OLA1: variants seen among roughly 807,000 people sequenced by gnomAD.
The protein encoded by OLA1 is Obg like ATPase 1.
Under a neutral mutation model 48.4 loss-of-function variants are expected in OLA1, and 14 were observed. The observed-to-expected ratio is 0.29, with a 90% CI of 0.19 to 0.45. The LOEUF (loss-of-function observed/expected upper bound fraction) is 0.45, where lower values mean the gene tolerates loss of function less well. Among genes scored for constraint, OLA1 ranks in the 20% least tolerant of loss-of-function variants. The probability of loss-of-function intolerance (pLI) is 1.00; values close to 1 mark genes in which losing one functional copy is unlikely to be tolerated. For synonymous variants in OLA1, 127 were observed against 150.4 expected (o/e 0.84, Z 1.14); for missense variants, 325 against 467.1 (o/e 0.70, Z 2.80).
At chr2:174,191,648 A>T (rs1261908955) in intron 4 of OLA1, among the ~76,000 whole-genome samples, 1 of 151,976 alleles carries the variant, frequency 6.6e-6, no homozygotes, top group East Asian at 1.9e-4. Context: ...ATTTGTGTAG[A>T]TATGGGGTCT....
intron 10 of OLA1, among the ~76,000 whole-genome samples, chr2:174,076,865 A>G (rs1684750078): frequency 6.6e-6 from 1 of 151,858 alleles, no homozygotes; most frequent in Admixed American, 6.6e-5. Context: ...AAAGACATGC[A>G]ATGTATTGAA....
chr2:174,181,876 T>C (rs1448535923), intron 4 of OLA1, among the ~76,000 whole-genome samples: 4 of 152,234 alleles, frequency 2.6e-5, no homozygotes, highest in Non-Finnish European at 4.4e-5. Context: ...CCATCTAATA[T>C]ACAACATACT....
Position 174,091,646 on chromosome 2 carries a change from G to A in OLA1, c.729-9582C>T, listed in dbSNP as rs542154027. The stretch of plus-strand genomic sequence containing the variant: ...CATGCCTGTAATCCCAGCACTTTGG[G>A]AGGCTGAGGTGGGCAGAACACCTGA... On this transcript the variant is annotated intron_variant, in intron 7 of 10. Coordinates refer to ENST00000284719, the MANE Select transcript of OLA1 (RefSeq NM_013341.5). Among the ~76,000 whole-genome samples, 182 of 152,042 alleles carry A rather than the reference G, an allele frequency of 1.2e-3. 2 individuals are homozygous for A. In the South Asian group the frequency reaches 0.012, roughly 10 times the overall value.
intron 4 of OLA1, among the ~76,000 whole-genome samples, chr2:174,155,582 T>C (rs1054634664): frequency 1.3e-5 from 2 of 152,228 alleles, no homozygotes; most frequent in Non-Finnish European, 2.9e-5. Context: ...TAACTATTAG[T>C]GAAGGACAGA....
chr2:174,098,056 G>A (rs1685298367), intron 7 of OLA1, among the ~76,000 whole-genome samples: 1 of 151,652 alleles, frequency 6.6e-6, no homozygotes, highest in Admixed American at 6.5e-5. Context: ...AGGAATTTGA[G>A]CACAGGGGAG....
intron 2 of OLA1, among the ~76,000 whole-genome samples, chr2:174,230,640 CAGA>C (rs1688707575): frequency 6.6e-6 from 1 of 152,080 alleles, no homozygotes; most frequent in East Asian, 1.9e-4. Flanking sequence ...ATATAGAGGA[CAGA>C]AGAACATATT....
intron 4 of OLA1, among the ~76,000 whole-genome samples, chr2:174,213,518 G>A (rs1468355337): frequency 6.6e-6 from 1 of 152,082 alleles, no homozygotes; most frequent in Non-Finnish European, 1.5e-5. Context: ...TAAGGATTTG[G>A]TGAAATCAAT....
intron 4 of OLA1, among the ~76,000 whole-genome samples, chr2:174,175,872 T>G (rs1402739296): frequency 6.6e-6 from 1 of 152,014 alleles, no homozygotes; most frequent in African/African-American, 2.4e-5. Context: ...AAGAAAGTAT[T>G]AACGTACACA....
chr2:174,219,944 C>T (rs952444051), intron 4 of OLA1, among the ~76,000 whole-genome samples: 3 of 152,010 alleles, frequency 2.0e-5, no homozygotes, highest in African/African-American at 7.2e-5. Flanking sequence ...CCAGCCTGGC[C>T]AACATGGTGA....
At position 174,114,341 on chromosome 2, in the gene OLA1, C is replaced by CAAAAAAAAAAA. The variant is rs76471043; in HGVS notation, c.728+8828_728+8838dup. Among the ~76,000 whole-genome samples, 16 of 60,644 alleles carry CAAAAAAAAAAA rather than the reference C, an allele frequency of 2.6e-4. 2 individuals are homozygous for CAAAAAAAAAAA. Among genetic ancestry groups the CAAAAAAAAAAA allele is most frequent in the East Asian group, 2.3e-3 (3 of 1,296 alleles). 39.8% of individuals were successfully genotyped at this position (60,644 alleles called of 152,430 possible). ...TGGGCGACAGAGCAAGACTCCGCCTCAAAAAAAAAAAAAAAAAAAAAAAAA... is the reference window on the plus strand; with the variant it reads ...TGGGCGACAGAGCAAGACTCCGCCTCAAAAAAAAAAAAAAAAAAAAAAAAAAAAAAAAAAAA... On this transcript the variant is annotated intron_variant, in intron 7 of 10. Transcript: ENST00000284719.
intron 4 of OLA1, among the ~76,000 whole-genome samples, chr2:174,208,238 A>C (rs1282541989): frequency 6.6e-6 from 1 of 152,198 alleles, no homozygotes. Context: ...GCAAAATTAC[A>C]AGTAAATATC....
intron 7 of OLA1, among the ~76,000 whole-genome samples, chr2:174,083,223 C>T (rs1225444262): frequency 2.6e-5 from 4 of 152,036 alleles, no homozygotes; most frequent in South Asian, 2.1e-4. Flanking sequence ...TGGCAAAATG[C>T]TGTGGCAGAA....
intron 4 of OLA1, among the ~76,000 whole-genome samples, chr2:174,186,126 G>T (rs1687651517): frequency 6.6e-6 from 1 of 152,064 alleles, no homozygotes; most frequent in Non-Finnish European, 1.5e-5. Flanking sequence ...ACAAGTAAAA[G>T]AACATATCAT....
chr2:174,094,111 C>A (rs868339063), intron 7 of OLA1, among the ~76,000 whole-genome samples: 4 of 152,304 alleles, frequency 2.6e-5, no homozygotes, highest in Admixed American at 2.6e-4. Context: ...CCCAGTGGTA[C>A]ATAAGGAAGA....
intron 4 of OLA1, among the ~76,000 whole-genome samples, chr2:174,147,299 G>A (rs1008949933): frequency 1.3e-4 from 20 of 152,098 alleles, no homozygotes; most frequent in Non-Finnish European, 2.6e-4. Flanking sequence ...GGTGGTGCAT[G>A]CCTGTAATGC....
In OLA1 at chr2:174,075,265, G is replaced by GA. The variant is rs1684708009; in HGVS notation, c.*160_*161insT. The GA allele has an allele frequency of 1.9e-6, 1 of 514,554 alleles. No homozygotes were observed. The highest frequency in any genetic ancestry group is 2.3e-5 in the South Asian group (1 of 43,988). The allele number at this position is 514,554 out of a possible 1,614,324, so 31.9% of individuals were successfully genotyped here. A position where few individuals can be genotyped will look rare whatever the true frequency, so the allele number is the denominator to read the frequency against. Reference sequence around the variant, plus strand: ...AACCTGCATTTCATGGGGGGGGGGGGGTACACAGTATTTTAATTTTAAAAC... The same window carrying GA: ...AACCTGCATTTCATGGGGGGGGGGGGAGTACACAGTATTTTAATTTTAAAAC... On this transcript the variant is annotated 3_prime_UTR_variant, in exon 11 of 11. Coordinates refer to ENST00000284719, the MANE Select transcript of OLA1 (RefSeq NM_013341.5).
chr2:174,141,696 T>C, intron 5 of OLA1, 129 bp downstream of exon 5: 2 of 786,220 alleles, frequency 2.5e-6, no homozygotes, highest in Non-Finnish European at 3.9e-6. Context: ...ACAATTTTTT[T>C]TAACAGAAAT....
intron 7 of OLA1, among the ~76,000 whole-genome samples, chr2:174,106,746 ATTC>A (rs1354516859): frequency 6.6e-6 from 1 of 152,142 alleles, no homozygotes; most frequent in Non-Finnish European, 1.5e-5. Flanking sequence ...TTGTTAAGCT[ATTC>A]TTATTTTAGT....
chr2:174,197,990 A>G (rs1456364869), intron 4 of OLA1, among the ~76,000 whole-genome samples: 1 of 152,210 alleles, frequency 6.6e-6, no homozygotes, highest in Non-Finnish European at 1.5e-5. Flanking sequence ...TTTGAGATGG[A>G]GTCTTGCTCT....
Sources: allele counts gnomAD v4.1 joint callset (sites outside exome capture counted in the v4.1 genomes callset), GRCh38; gene constraint gnomAD v4.1.1; transcripts MANE v1.5; gene names NCBI Gene and HGNC (gene_info 2026-07-23, HGNC 2026-07-21).